PDE7A: variants seen among roughly 807,000 people sequenced by gnomAD.
The protein encoded by PDE7A is phosphodiesterase 7A.
PDE7A carries 39 observed loss-of-function variants against 64.3 expected under a neutral mutation model. That is an observed-to-expected ratio of 0.61 (90% CI 0.47 to 0.79). PDE7A has a LOEUF of 0.79. PDE7A is among the 30% of genes least tolerant of loss of function. PDE7A has a pLI of 0.00. For missense variants in PDE7A, 470 were observed against 582.8 expected (o/e 0.81, Z 1.99); for synonymous variants, 203 against 206.8 (o/e 0.98, Z 0.16).
intron 5 of PDE7A, among the ~76,000 whole-genome samples, chr8:65,740,846 T>C (rs6995183): frequency 0.72 from 108,822 of 151,960 alleles, 39,167 homozygotes; most frequent in South Asian, 0.75. Context: ...TTCAGACATG[T>C]TCTAGATTCT....
chr8:65,816,194 G>A (rs993625744), intron 1 of PDE7A, among the ~76,000 whole-genome samples: 3 of 152,110 alleles, frequency 2.0e-5, no homozygotes, highest in Admixed American at 2.0e-4. Flanking sequence ...GCTCTTTAGA[G>A]TTCTCAGAAT....
chr8:65,816,048 T>A (rs895331825), intron 1 of PDE7A, among the ~76,000 whole-genome samples: 2 of 151,796 alleles, frequency 1.3e-5, no homozygotes, highest in African/African-American at 4.9e-5. Context: ...TTGGAAAATA[T>A]CTATTTTCAT....
At chr8:65,832,199 GAATCCATT>G (rs1810843783) in intron 1 of PDE7A, among the ~76,000 whole-genome samples, 1 of 151,958 alleles carries the variant, frequency 6.6e-6, no homozygotes, top group Admixed American at 6.6e-5. Context: ...AATAATACTA[GAATCCATT>G]GAGCCATTTG....
intron 1 of PDE7A, among the ~76,000 whole-genome samples, chr8:65,790,098 T>C (rs552747011): frequency 1.8e-4 from 28 of 152,192 alleles, no homozygotes; most frequent in Non-Finnish European, 3.2e-4. Context: ...AGAAGACAGA[T>C]TGTGCAGACG....
chr8:65,832,472 T>C (rs1810853159), intron 1 of PDE7A, among the ~76,000 whole-genome samples: 1 of 152,202 alleles, frequency 6.6e-6, no homozygotes, highest in South Asian at 2.1e-4. Context: ...TAAGTATTAA[T>C]TTTTAAAATC....
chr8:65,786,630 TA>T (rs1269668018), intron 1 of PDE7A, among the ~76,000 whole-genome samples: 1 of 152,200 alleles, frequency 6.6e-6, no homozygotes, highest in Non-Finnish European at 1.5e-5. Context: ...AAAAACCATA[TA>T]CTACTAGAAT....
intron 1 of PDE7A, among the ~76,000 whole-genome samples, chr8:65,802,936 T>C (rs1473658123): frequency 2.0e-5 from 3 of 152,116 alleles, no homozygotes; most frequent in Non-Finnish European, 4.4e-5. Context: ...TAAAAGTGTG[T>C]GGCACCTCCC....
At chr8:65,799,312 T>G (rs566758641) in intron 1 of PDE7A, among the ~76,000 whole-genome samples, 1 of 152,208 alleles carries the variant, frequency 6.6e-6, no homozygotes, top group East Asian at 1.9e-4. Context: ...TAATAGAATT[T>G]AAAGTTAAAT....
intron 1 of PDE7A, among the ~76,000 whole-genome samples, chr8:65,810,051 T>C (rs963721558): frequency 6.6e-6 from 1 of 152,204 alleles, no homozygotes; most frequent in Admixed American, 6.5e-5. Context: ...TGCACACATA[T>C]GTTTACTGCA....
chr8:65,777,307 G>A (rs1327852256), intron 3 of PDE7A, among the ~76,000 whole-genome samples: 6 of 151,986 alleles, frequency 3.9e-5, no homozygotes, highest in South Asian at 4.2e-4. Flanking sequence ...TCGAACTCCC[G>A]ACCTCAGATG....
chr8:65,723,326 T>G, intron 12 of PDE7A: 1 of 325,894 alleles, frequency 3.1e-6, no homozygotes, highest in Non-Finnish European at 5.3e-6. Flanking sequence ...AAGTTATTGC[T>G]GCTGCCTGTT....
chr8:65,721,590 C>T (rs560208175), intron 12 of PDE7A, among the ~76,000 whole-genome samples: 1 of 152,214 alleles, frequency 6.6e-6, no homozygotes, highest in South Asian at 2.1e-4. Flanking sequence ...TAGATCTGTA[C>T]AACACTGACA....
chr8:65,783,010 C>T (rs977915343), intron 1 of PDE7A, among the ~76,000 whole-genome samples, 167 bp from the exon 2 acceptor site: 1 of 151,996 alleles, frequency 6.6e-6, no homozygotes, highest in African/African-American at 2.4e-5. Flanking sequence ...CTCTGGGGTA[C>T]GGGGACGACA....
chr8:65,823,545 TGTGGCA>T (rs1438323070), intron 1 of PDE7A, among the ~76,000 whole-genome samples: 2 of 152,198 alleles, frequency 1.3e-5, no homozygotes, highest in Non-Finnish European at 2.9e-5. Flanking sequence ...GGAGATTATG[TGTGGCA>T]ATTTCTTTAA....
At chr8:65,790,775 T>TAGCTTTAATATGAGACC (rs1213083129) in intron 1 of PDE7A, among the ~76,000 whole-genome samples, 34 of 152,244 alleles carry the variant, frequency 2.2e-4, no homozygotes, top group Admixed American at 6.5e-4. Flanking sequence ...GCCATGAGAC[T>TAGCTTTAATATGAGACC]AGCTTTAATA....
chr8:65,814,467 C>T (rs1810337730), intron 1 of PDE7A, among the ~76,000 whole-genome samples: 1 of 144,392 alleles, frequency 6.9e-6, no homozygotes, highest in Admixed American at 6.9e-5. Flanking sequence ...GCCGAGATCC[C>T]GCCACTGCAC....
chr8:65,744,157 A>G (rs1807566527), intron 5 of PDE7A, among the ~76,000 whole-genome samples: 1 of 152,214 alleles, frequency 6.6e-6, no homozygotes, highest in Admixed American at 6.5e-5. Flanking sequence ...TTACCAGTGA[A>G]TAAGAACACA....
At chr8:65,799,331 A>G (rs1809935038) in intron 1 of PDE7A, among the ~76,000 whole-genome samples, 1 of 152,206 alleles carries the variant, frequency 6.6e-6, no homozygotes. Flanking sequence ...ATTGGGAGCA[A>G]CAAGAGGGTT....
chr8:65,808,072 T>C (rs946807147), intron 1 of PDE7A, among the ~76,000 whole-genome samples: 7 of 152,360 alleles, frequency 4.6e-5, no homozygotes, highest in Non-Finnish European at 5.9e-5. Flanking sequence ...CATTCAGTGA[T>C]ACTGCACTGA....
Sources: allele counts gnomAD v4.1 joint callset (sites outside exome capture counted in the v4.1 genomes callset), GRCh38; gene constraint gnomAD v4.1.1; transcripts MANE v1.5; gene names NCBI Gene and HGNC (gene_info 2026-07-23, HGNC 2026-07-21).